Variants in AAMDC observed in about 807,000 individuals in gnomAD.
The protein encoded by AAMDC is mth938 domain-containing protein.
In AAMDC, 16 loss-of-function variants were observed where a neutral mutation model predicts 15.5. The observed-to-expected ratio is 1.03, with a 90% CI of 0.70 to 1.57. The LOEUF is 1.57. Ranked by LOEUF, AAMDC falls within the 40% of genes most tolerant of loss-of-function variation. The probability of loss-of-function intolerance (pLI) is 0.00; values close to 1 mark genes in which losing one functional copy is unlikely to be tolerated. For synonymous variants in AAMDC, 51 were observed against 51.6 expected, an observed-to-expected ratio of 0.99 and a Z score of 0.05; for missense variants, 141 against 144.9, an observed-to-expected ratio of 0.97 and a Z score of 0.14.
chr11:77,887,549 A>G (rs570709827), intron 5 of AAMDC, among the ~76,000 whole-genome samples: 7 of 152,158 alleles, frequency 4.6e-5, no homozygotes, highest in African/African-American at 1.4e-4. Context: ...CCTATTCAAC[A>G]TAGTGTTGGA....
rs112524447 is a variant in AAMDC at position 77,849,283 on chromosome 11, G to A, written c.132+6655G>A. Among the ~76,000 whole-genome samples the A allele has an allele frequency of 5.4e-3, 818 of 152,058 alleles. 9 individuals carry two copies. Among genetic ancestry groups the A allele is most frequent in the African/African-American group, 0.017 (701 of 41,470 alleles). ...GTCGCCCAGGCTGGAATGCGGTGGC[G>A]TGACCTTGGCTCACTGCAACCTCTG... On this transcript the variant is annotated intron_variant, in intron 2 of 3. Coordinates refer to ENST00000393427, the MANE Select transcript of AAMDC (RefSeq NM_024684.4).
intron 2 of AAMDC, among the ~76,000 whole-genome samples, chr11:77,869,472 C>T (rs1951309845): frequency 6.8e-6 from 1 of 146,982 alleles, no homozygotes; most frequent in Admixed American, 6.8e-5. Flanking sequence ...AGCCACCACA[C>T]CCAGCTAAGT....
chr11:77,840,481 A>T (rs957589214), intron 1 of AAMDC, among the ~76,000 whole-genome samples: 22 of 152,232 alleles, frequency 1.4e-4, no homozygotes, highest in African/African-American at 5.3e-4. Context: ...GTGAGCCAAG[A>T]TCGCACCACT....
intron 5 of AAMDC, among the ~76,000 whole-genome samples, chr11:77,889,452 C>T (rs957120703): frequency 3.3e-5 from 5 of 151,668 alleles, no homozygotes; most frequent in African/African-American, 1.2e-4. Flanking sequence ...TGCTAGATGA[C>T]GAGTTAATGG....
At chr11:77,861,424 C>T (rs535215554) in intron 2 of AAMDC, among the ~76,000 whole-genome samples, 31 of 152,256 alleles carry the variant, frequency 2.0e-4, no homozygotes, top group South Asian at 6.2e-4. Context: ...GAGAAGGCCG[C>T]GCCAGTGTCC....
intron 1 of AAMDC, among the ~76,000 whole-genome samples, chr11:77,842,009 C>T (rs900066462): frequency 6.7e-6 from 1 of 148,742 alleles, no homozygotes; most frequent in Admixed American, 6.6e-5. Flanking sequence ...GGGGGTTGTT[C>T]CAGGCAAGAA....
At chr11:77,901,570 T>G, downstream of AAMDC, 1 of 1,558,734 alleles carries the variant, frequency 6.4e-7, no homozygotes. Context: ...GAAAGATAAT[T>G]AACAATCAAT....
At chr11:77,884,422 G>A (rs1951912529) in intron 5 of AAMDC, among the ~76,000 whole-genome samples, 1 of 152,176 alleles carries the variant, frequency 6.6e-6, no homozygotes, top group Non-Finnish European at 1.5e-5. Context: ...TCAATGAAGA[G>A]TCCACTCAAA....
chr11:77,836,033 T>C (rs1216830804), intron 1 of AAMDC, among the ~76,000 whole-genome samples: 1 of 152,196 alleles, frequency 6.6e-6, no homozygotes, highest in Non-Finnish European at 1.5e-5. Flanking sequence ...TTATTAGCTA[T>C]ATAACTTGGA....
intron 1 of AAMDC, among the ~76,000 whole-genome samples, chr11:77,826,680 C>G (rs1949191502): frequency 6.6e-6 from 1 of 152,114 alleles, no homozygotes; most frequent in Admixed American, 6.6e-5. Flanking sequence ...AACAGACACA[C>G]CAGACCCTAT....
At chr11:77,869,956 C>G in intron 3 of AAMDC, 139 bp downstream of exon 3, 1 of 688,394 alleles carries the variant, frequency 1.5e-6, no homozygotes, top group Non-Finnish European at 2.5e-6. Flanking sequence ...GCAGTGGCTG[C>G]ACACATTCCT....
chr11:77,843,887 CTTACA>C (rs1950034145), intron 2 of AAMDC, among the ~76,000 whole-genome samples: 1 of 152,126 alleles, frequency 6.6e-6, no homozygotes, highest in Non-Finnish European at 1.5e-5. Flanking sequence ...CAAGTCACGT[CTTACA>C]TGGATGGTGG....
chr11:77,904,925 G>C (rs967164952), downstream of AAMDC, among the ~76,000 whole-genome samples: 9 of 152,200 alleles, frequency 5.9e-5, no homozygotes, highest in Admixed American at 5.2e-4. Context: ...ATGCGTATGA[G>C]TGCCAAGCTG....
intron 5 of AAMDC, chr11:77,900,475 AT>A: frequency 1.8e-6 from 1 of 562,390 alleles, no homozygotes; most frequent in Non-Finnish European, 3.1e-6. Context: ...GAAATAAAAT[AT>A]TTTATTTTTC....
intron 5 of AAMDC, among the ~76,000 whole-genome samples, chr11:77,892,403 A>C (rs1327442368): frequency 6.6e-6 from 1 of 152,160 alleles, no homozygotes; most frequent in Non-Finnish European, 1.5e-5. Context: ...TGAGGAGGTG[A>C]TATCTGTGCA....
chr11:77,828,215 C>T (rs886223616), intron 1 of AAMDC, among the ~76,000 whole-genome samples: 2 of 152,018 alleles, frequency 1.3e-5, no homozygotes, highest in African/African-American at 4.8e-5. Context: ...GCAGAGGTTG[C>T]AGTGAGCCAA....
chr11:77,883,908 A>G, intron 5 of AAMDC: 1 of 1,613,348 alleles, frequency 6.2e-7, no homozygotes. Flanking sequence ...GGAAGTCTGC[A>G]GGCTTGGGGT....
intron 1 of AAMDC, among the ~76,000 whole-genome samples, chr11:77,825,601 T>G (rs892082127): frequency 6.6e-6 from 1 of 152,182 alleles, no homozygotes; most frequent in African/African-American, 2.4e-5. Context: ...CCAACCATTT[T>G]CTGGATATTT....
At chr11:77,880,951 A>C (rs1407775150) in intron 5 of AAMDC, among the ~76,000 whole-genome samples, 2 of 152,164 alleles carry the variant, frequency 1.3e-5, no homozygotes, top group East Asian at 3.8e-4. Context: ...AAACAAAAAA[A>C]CAAAAAAACA....
Sources: allele counts gnomAD v4.1 joint callset (sites outside exome capture counted in the v4.1 genomes callset), GRCh38; gene constraint gnomAD v4.1.1; transcripts MANE v1.5; gene names NCBI Gene and HGNC (gene_info 2026-07-23, HGNC 2026-07-21).